PHACTR3: variants seen among roughly 807,000 people sequenced by gnomAD.
The protein encoded by PHACTR3 is protein phosphatase 1, regulatory subunit 123.
Under a neutral mutation model 66.8 loss-of-function variants are expected in PHACTR3, and 16 were observed. The ratio of observed to expected loss-of-function variants is 0.24; its 90% CI spans 0.16 to 0.36. The LOEUF (loss-of-function observed/expected upper bound fraction) is 0.36. PHACTR3 is among the 10% of genes least tolerant of loss of function. The probability of loss-of-function intolerance (pLI) is 1.00; values close to 1 mark genes in which losing one functional copy is unlikely to be tolerated. For missense variants in PHACTR3, 647 were observed against 719.9 expected, an observed-to-expected ratio of 0.90 and a Z score of 1.16; for synonymous variants, 323 against 292.1, an observed-to-expected ratio of 1.11 and a Z score of -1.08.
At position 59,615,603 on chromosome 20, in the gene PHACTR3, G is replaced by A. The variant is rs1413285653; in HGVS notation, c.118+10471G>A. Among the ~76,000 whole-genome samples the A allele has an allele frequency of 2.0e-5, 3 of 152,188 alleles. No individual in the cohort carries two copies. The South Asian group carries it at 6.2e-4, about 32-fold the overall frequency. On this transcript the variant is annotated intron_variant, in intron 1 of 12. Coordinates refer to ENST00000371015, the MANE Select transcript of PHACTR3 (RefSeq NM_080672.5). Reference sequence around the variant, plus strand: ...CAGACCTCCGTGGCCCTACAGCATTGAGCTTTCAGTCCTTGGGTTTCTGAA... The same window carrying A: ...CAGACCTCCGTGGCCCTACAGCATTAAGCTTTCAGTCCTTGGGTTTCTGAA...
chr20:59,746,884 G>A (rs1297181981), intron 2 of PHACTR3, among the ~76,000 whole-genome samples: 1 of 152,230 alleles, frequency 6.6e-6, no homozygotes, highest in East Asian at 1.9e-4. Flanking sequence ...GATGTAATTG[G>A]TTCATTGGGA....
Position 59,701,326 on chromosome 20 carries a change from G to A in PHACTR3, c.119-41781G>A, listed in dbSNP as rs1034005085. Among the ~76,000 whole-genome samples, 8 of 152,272 alleles carry A rather than the reference G, an allele frequency of 5.3e-5. 1 individual carries two copies. In the South Asian group the frequency reaches 1.2e-3, roughly 24 times the overall value. On this transcript the variant is annotated intron_variant, in intron 1 of 12. Coordinates refer to ENST00000371015, the MANE Select transcript of PHACTR3 (RefSeq NM_080672.5). ...CTGTCTCACAGATGAGAAAACAGTG[G>A]TCCAGAGAGATTAAGTAGGTAGCAG... is the stretch of plus-strand genomic sequence containing the variant.
intron 1 of PHACTR3, among the ~76,000 whole-genome samples, chr20:59,709,908 T>C (rs1050158004): frequency 1.3e-5 from 2 of 152,154 alleles, no homozygotes; most frequent in Non-Finnish European, 2.9e-5. Flanking sequence ...GAAGTGCAGC[T>C]TATAGGCTAC....
At chr20:59,789,590 T>C (rs1344552957) in intron 7 of PHACTR3, among the ~76,000 whole-genome samples, 6 of 152,062 alleles carry the variant, frequency 3.9e-5, no homozygotes, top group Non-Finnish European at 7.3e-5. Flanking sequence ...GGTCTTAGAG[T>C]GTCAACAAAA....
intron 1 of PHACTR3, among the ~76,000 whole-genome samples, chr20:59,614,295 G>C (rs186089038): frequency 6.6e-6 from 1 of 152,244 alleles, no homozygotes; most frequent in Non-Finnish European, 1.5e-5. Context: ...AAAGCACACA[G>C]AGGCAGATGT....
chr20:59,778,800 C>G (rs931933866), intron 7 of PHACTR3, among the ~76,000 whole-genome samples: 1 of 152,218 alleles, frequency 6.6e-6, no homozygotes, highest in Non-Finnish European at 1.5e-5. Context: ...TGGACTGTTT[C>G]TCCCATGGCG....
chr20:59,845,166 A>G (rs775677985), intron 11 of PHACTR3, 23 bp from the exon 12 acceptor site: 1 of 1,455,462 alleles, frequency 6.9e-7, no homozygotes, highest in Non-Finnish European at 9.6e-7. Context: ...CCTGTAAAAC[A>G]ATGTCTTGTT....
chr20:59,686,731 ATGG>A (rs1568711538), intron 1 of PHACTR3, among the ~76,000 whole-genome samples: 4 of 114,992 alleles, frequency 3.5e-5, no homozygotes, highest in Non-Finnish European at 7.2e-5. Context: ...GGTTATGATG[ATGG>A]TGGTGATGAT....
chr20:59,783,092 G>A (rs1421645962), intron 7 of PHACTR3, among the ~76,000 whole-genome samples: 1 of 152,216 alleles, frequency 6.6e-6, no homozygotes, highest in South Asian at 2.1e-4. Flanking sequence ...GTAAAGTGAA[G>A]AGCCACCTGC....
At chr20:59,624,546 C>G (rs1230865681) in intron 1 of PHACTR3, among the ~76,000 whole-genome samples, 1 of 152,120 alleles carries the variant, frequency 6.6e-6, no homozygotes, top group African/African-American at 2.4e-5. Context: ...GGCCTGGTCT[C>G]CCTCCCATGC....
intron 1 of PHACTR3, among the ~76,000 whole-genome samples, chr20:59,634,975 C>T (rs1210521073): frequency 1.3e-5 from 2 of 152,142 alleles, no homozygotes; most frequent in Admixed American, 1.3e-4. Flanking sequence ...AACCAGTCAC[C>T]TCCATTCTAG....
intron 8 of PHACTR3, among the ~76,000 whole-genome samples, chr20:59,816,187 G>A (rs971852883): frequency 4.6e-5 from 7 of 151,974 alleles, no homozygotes; most frequent in Non-Finnish European, 7.4e-5. Context: ...TAAGAAGTGT[G>A]CAACCCAGAT....
chr20:59,711,202 C>A (rs1215127618), intron 1 of PHACTR3, among the ~76,000 whole-genome samples: 3 of 152,102 alleles, frequency 2.0e-5, no homozygotes, highest in Non-Finnish European at 4.4e-5. Context: ...TCTGTTCTAC[C>A]TCTCTTCTAC....
chr20:59,587,274 G>A (rs955271378), intron 1 of PHACTR3, among the ~76,000 whole-genome samples: 8 of 152,238 alleles, frequency 5.3e-5, no homozygotes, highest in Non-Finnish European at 7.3e-5. Flanking sequence ...TCCGAGGATC[G>A]TCTAAGCAGG....
At chr20:59,783,758 C>T (rs1193428992) in intron 7 of PHACTR3, among the ~76,000 whole-genome samples, 1 of 152,166 alleles carries the variant, frequency 6.6e-6, no homozygotes, top group Non-Finnish European at 1.5e-5. Context: ...GGTCCCAGCC[C>T]GCAGGTGCCT....
intron 1 of PHACTR3, among the ~76,000 whole-genome samples, chr20:59,637,188 G>C (rs1600976585): frequency 6.6e-6 from 1 of 152,264 alleles, no homozygotes; most frequent in Non-Finnish European, 1.5e-5. Context: ...TATGGGGTCT[G>C]TTCTGTGTTC....
At chr20:59,771,093 G>C (rs985244047) in intron 5 of PHACTR3, among the ~76,000 whole-genome samples, 10 of 152,204 alleles carry the variant, frequency 6.6e-5, no homozygotes, top group Non-Finnish European at 1.3e-4. Flanking sequence ...GGGCAGTGCT[G>C]GTTGTCACAT....
intron 1 of PHACTR3, among the ~76,000 whole-genome samples, chr20:59,670,884 G>A (rs2036173069): frequency 6.6e-6 from 1 of 152,154 alleles, no homozygotes; most frequent in Non-Finnish European, 1.5e-5. Context: ...CATCTCCTGG[G>A]CGTTGCTCAC....
At chr20:59,790,312 C>G (rs1162922510) in intron 7 of PHACTR3, among the ~76,000 whole-genome samples, 1 of 152,158 alleles carries the variant, frequency 6.6e-6, no homozygotes, top group African/African-American at 2.4e-5. Flanking sequence ...TAGAGAGTAT[C>G]TGAGACTGGT....
Sources: gnomAD v4.1 joint callset for allele counts (sites outside exome capture counted in the v4.1 genomes callset) on GRCh38, gnomAD v4.1.1 for gene constraint, MANE v1.5 for transcripts, NCBI Gene and HGNC (gene_info 2026-07-23, HGNC 2026-07-21) for gene names.